Variants in LHFPL3 observed in about 807,000 individuals in gnomAD.
LHFPL3 encodes LHFPL tetraspan subfamily member 3.
LHFPL3 carries 5 observed loss-of-function variants against 19.3 expected under a neutral mutation model. The observed-to-expected ratio is 0.26, with a 90% CI of 0.14 to 0.54. The LOEUF is 0.54. Among genes scored for constraint, LHFPL3 ranks in the 20% least tolerant of loss-of-function variants. The probability of loss-of-function intolerance (pLI) is 0.94; values close to 1 mark genes in which losing one functional copy is unlikely to be tolerated. For synonymous variants in LHFPL3, 133 were observed against 126.2 expected (o/e 1.05, Z -0.36); for missense variants, 249 against 307.4 (o/e 0.81, Z 1.42).
chr7:104,824,097 C>T (rs546456881), intron 2 of LHFPL3, among the ~76,000 whole-genome samples: 4 of 117,550 alleles, frequency 3.4e-5, no homozygotes, highest in South Asian at 5.3e-4. Context: ...AGTGAGCCAA[C>T]ATTGTGCCAC....
chr7:104,636,160 T>A (rs575452584), intron 1 of LHFPL3, among the ~76,000 whole-genome samples: 11 of 152,178 alleles, frequency 7.2e-5, no homozygotes, highest in Non-Finnish European at 1.3e-4. Flanking sequence ...ATAATTATAT[T>A]GGGAGGAGAG....
chr7:104,838,941 A>T (rs1377636835), intron 2 of LHFPL3, among the ~76,000 whole-genome samples: 1 of 152,236 alleles, frequency 6.6e-6, no homozygotes. Flanking sequence ...AAAAACTGAA[A>T]CAATGCTGTA....
At chr7:104,469,197 T>C (rs919951565) in intron 1 of LHFPL3, among the ~76,000 whole-genome samples, 8 of 152,202 alleles carry the variant, frequency 5.3e-5, no homozygotes, top group Admixed American at 2.0e-4. Context: ...TTATAAAGGC[T>C]GTCTAGGAAC....
intron 2 of LHFPL3, among the ~76,000 whole-genome samples, chr7:104,773,744 G>A (rs1794597988): frequency 6.6e-6 from 1 of 152,206 alleles, no homozygotes; most frequent in Non-Finnish European, 1.5e-5. Context: ...GAAGATGAAG[G>A]TGGAGATCGG....
chr7:104,873,288 TC>T (rs1410650230), intron 2 of LHFPL3, among the ~76,000 whole-genome samples: 1 of 152,220 alleles, frequency 6.6e-6, no homozygotes, highest in Non-Finnish European at 1.5e-5. Flanking sequence ...CTTCAGATCA[TC>T]TTCCTAAAAG....
chr7:104,480,808 G>A (rs529709319), intron 1 of LHFPL3, among the ~76,000 whole-genome samples: 4 of 152,224 alleles, frequency 2.6e-5, no homozygotes, highest in African/African-American at 9.6e-5. Context: ...TAACCCATGG[G>A]TAAAATCAAG....
intron 2 of LHFPL3, among the ~76,000 whole-genome samples, chr7:104,886,486 T>G (rs1792150021): frequency 6.6e-6 from 1 of 152,200 alleles, no homozygotes; most frequent in Non-Finnish European, 1.5e-5. Flanking sequence ...TGCCTCAGCC[T>G]CCCGAGTAGT....
intron 1 of LHFPL3, among the ~76,000 whole-genome samples, chr7:104,359,955 G>T (rs890316175): frequency 6.6e-6 from 1 of 152,222 alleles, no homozygotes; most frequent in African/African-American, 2.4e-5. Context: ...TGTATCATGT[G>T]TTATAAACTG....
chr7:104,573,409 C>CAA (rs11310724), intron 1 of LHFPL3, among the ~76,000 whole-genome samples: 14 of 112,656 alleles, frequency 1.2e-4, no homozygotes, highest in East Asian at 2.7e-4. Flanking sequence ...AAGACCATCT[C>CAA]AAAAAAAAAA....
At chr7:104,612,245 A>C (rs543033072) in intron 1 of LHFPL3, among the ~76,000 whole-genome samples, 1 of 152,350 alleles carries the variant, frequency 6.6e-6, no homozygotes, top group East Asian at 1.9e-4. Flanking sequence ...TCAATGTGTT[A>C]TTTAATCCCT....
intron 2 of LHFPL3, among the ~76,000 whole-genome samples, chr7:104,768,518 T>C (rs1040334468): frequency 2.6e-5 from 4 of 152,202 alleles, no homozygotes; most frequent in Non-Finnish European, 5.9e-5. Flanking sequence ...GCAGGGAATT[T>C]CTAAGGACCC....
chr7:104,600,163 G>A (rs1311269718), intron 1 of LHFPL3, among the ~76,000 whole-genome samples: 1 of 152,202 alleles, frequency 6.6e-6, no homozygotes, highest in Non-Finnish European at 1.5e-5. Flanking sequence ...ACATGTTGAG[G>A]GGAGAGGGAC....
chr7:104,452,001 C>T (rs527934815), intron 1 of LHFPL3, among the ~76,000 whole-genome samples: 10 of 152,208 alleles, frequency 6.6e-5, no homozygotes, highest in African/African-American at 2.2e-4. Context: ...CTGCCTTGGA[C>T]TCCCAAAGTG....
At chr7:104,846,467 A>G (rs1180757227) in intron 2 of LHFPL3, among the ~76,000 whole-genome samples, 5 of 152,174 alleles carry the variant, frequency 3.3e-5, no homozygotes, top group African/African-American at 1.2e-4. Context: ...TGCAGTGTTG[A>G]GACCCAACCC....
chr7:104,622,991 G>A, intron 1 of LHFPL3: 1 of 368,134 alleles, frequency 2.7e-6, no homozygotes, highest in Non-Finnish European at 5.6e-6. Context: ...CCTGGAGGAT[G>A]CTCTCATTGT....
At chr7:104,702,488 G>A (rs560567460) in intron 1 of LHFPL3, among the ~76,000 whole-genome samples, 247 of 152,102 alleles carry the variant, frequency 1.6e-3, no homozygotes, top group Non-Finnish European at 3.1e-3. Flanking sequence ...ATGTGAATAG[G>A]GCTTATTAAG....
At chr7:104,518,850 A>AGATAAATAGATAGATAGAAAG (rs748597414) in intron 1 of LHFPL3, among the ~76,000 whole-genome samples, 103 of 140,084 alleles carry the variant, frequency 7.4e-4, no homozygotes, top group African/African-American at 2.3e-3. Context: ...TAGATAGAAT[A>AGATAAATAGATAGATAGAAAG]AATAAAAAAA....
chr7:104,526,878 C>A lies in LHFPL3; in HGVS notation c.445+197654C>A, dbSNP rs540152410. Reference sequence around the variant, plus strand: ...ATGAAGAAGATGTTCAAAGTCCCTGCCCATATGGTGCATACACTCTAGTGG... The same window carrying A: ...ATGAAGAAGATGTTCAAAGTCCCTGACCATATGGTGCATACACTCTAGTGG... On this transcript the variant is annotated intron_variant, in intron 1 of 2. Transcript: ENST00000424859. Among the ~76,000 whole-genome samples the A allele has an allele frequency of 1.2e-3, 179 of 152,294 alleles. 3 individuals carry two copies. In the South Asian group the frequency reaches 0.035, roughly 30 times the overall value.
intron 2 of LHFPL3, among the ~76,000 whole-genome samples, chr7:104,760,763 C>T (rs1489692384): frequency 2.0e-5 from 3 of 152,128 alleles, no homozygotes; most frequent in African/African-American, 7.2e-5. Context: ...CTGCAAGTTC[C>T]ATCACGTCTT....
Sources: gnomAD v4.1 joint callset for allele counts (sites outside exome capture counted in the v4.1 genomes callset) on GRCh38, gnomAD v4.1.1 for gene constraint, MANE v1.5 for transcripts, NCBI Gene and HGNC (gene_info 2026-07-23, HGNC 2026-07-21) for gene names.